The following MYBBP1A variants were observed in gnomAD, a reference collection of about 807,000 sequenced individuals.
MYBBP1A encodes the protein MYB binding protein 1a, also known as myb-binding protein 1A.
In MYBBP1A, 147 loss-of-function variants were observed where a neutral mutation model predicts 136.3. The observed-to-expected ratio is 1.08, with a 90% CI of 0.94 to 1.24. MYBBP1A has a LOEUF of 1.24. MYBBP1A is among the 50% of genes most tolerant of loss of function. MYBBP1A has a pLI of 0.00. For missense variants in MYBBP1A, 2,060 were observed against 1,727.4 expected (o/e 1.19, Z -3.41); for synonymous variants, 947 against 735.8 (o/e 1.29, Z -4.65).
In MYBBP1A at chr17:4,542,529, G is replaced by A. The variant is rs1378679749; in HGVS notation, c.3022C>T (p.Leu1008Phe). Residue 1008 changes from leucine (L) to phenylalanine (F), a missense_variant, in exon 22 of 26, where the codon CTC becomes TTC. Leu to Phe is a conservative substitution (Grantham distance 22). Coordinates refer to ENST00000254718, the MANE Select transcript of MYBBP1A (RefSeq NM_014520.4). ...AGGATGGGGAGCAGGCTCTGACAGAGCACCTGGTGGGGAGTGACAAGGGCT... is the reference window on the plus strand; with the variant it reads ...AGGATGGGGAGCAGGCTCTGACAGAACACCTGGTGGGGAGTGACAAGGGCT... ...FLSLFSRHPV[L>F]CQSLLPILVQ... is the part of the protein sequence containing the mutation. The A allele has an allele frequency of 1.2e-6, 2 of 1,612,476 alleles. No homozygotes were observed. Among genetic ancestry groups the A allele is most frequent in the Non-Finnish European group, 1.7e-6 (2 of 1,178,934 alleles).
chr17:4,540,091 T>C, intron 25 of MYBBP1A, 124 bp from the exon 26 acceptor site: 6 of 1,268,234 alleles, frequency 4.7e-6, no homozygotes, highest in Non-Finnish European at 6.5e-6. Flanking sequence ...GAGGCCCCTA[T>C]GAGGGTCCCG....
Position 4,552,024 on chromosome 17 carries a change from G to A in MYBBP1A, c.906-27C>T. 1.9e-6 allele frequency: 3 copies of A among 1,598,996 alleles called. No individual in the cohort carries two copies. Among genetic ancestry groups the A allele is most frequent in the South Asian group, 1.1e-5 (1 of 89,368 alleles). ...TAAAGGGGGTGCAGGACAGAGCCTG[G>A]TCAGAGCCCTTGGTGCCCCTGGTGG... On this transcript the variant is annotated intron_variant, in intron 7 of 25. Coordinates refer to ENST00000254718, the MANE Select transcript of MYBBP1A (RefSeq NM_014520.4). The surrounding 1 kb of genome is among the most constrained non-coding windows in gnomAD (Gnocchi z 4.7).
intron 10 of MYBBP1A, 95 bp downstream of exon 10, chr17:4,549,233 AGGCT>A (rs1267016641): frequency 1.1e-5 from 11 of 1,021,354 alleles, no homozygotes; most frequent in Non-Finnish European, 1.3e-5. Context: ...CTCAACCCAA[AGGCT>A]TCTGGCTCCA....
chr17:4,555,116 C>G lies in MYBBP1A; in HGVS notation c.198+11G>C, dbSNP rs1295442999. 1 of 1,581,736 alleles carries G rather than the reference C, an allele frequency of 6.3e-7. No homozygotes were observed. Among genetic ancestry groups the G allele is most frequent in the Non-Finnish European group, 8.6e-7 (1 of 1,163,474 alleles). ...TATGCGCAGCCTCTGCCCCAGACCC[C>G]GCCACTCCACCTTCGGCCTGCCACG... is the stretch of plus-strand genomic sequence containing the variant. On this transcript the variant is annotated intron_variant, in intron 1 of 25. Coordinates refer to ENST00000254718, the MANE Select transcript of MYBBP1A (RefSeq NM_014520.4).
chr17:4,548,063 G>T lies in MYBBP1A; in HGVS notation c.1725-6C>A. 1 of 1,584,920 alleles carries T rather than the reference G, an allele frequency of 6.3e-7. No individual in the cohort carries two copies. On this transcript the variant is annotated splice_polypyrimidine_tract_variant and splice_region_variant and intron_variant, in intron 12 of 25. Transcript: ENST00000254718. The surrounding 1 kb of genome is among the most constrained non-coding windows in gnomAD (Gnocchi z 4.2). Reference sequence around the variant, plus strand: ...CCTTCAGAGTCTGCAGCATCCTGCGGGGAGACAGGCGATTCCCAGGCCCCT... The same window carrying T: ...CCTTCAGAGTCTGCAGCATCCTGCGTGGAGACAGGCGATTCCCAGGCCCCT...
chr17:4,548,652 G>A lies in MYBBP1A; in HGVS notation c.1431-3C>T, dbSNP rs1907223763. 5 of 1,614,108 alleles carry A rather than the reference G, an allele frequency of 3.1e-6. No individual in the cohort carries two copies. The highest frequency in any genetic ancestry group is 2.7e-5 in the African/African-American group (2 of 75,064). On this transcript the variant is annotated splice_polypyrimidine_tract_variant and splice_region_variant and intron_variant, in intron 10 of 25. Coordinates refer to ENST00000254718, the MANE Select transcript of MYBBP1A (RefSeq NM_014520.4). This position sits in a 1 kb window ranked among gnomAD's most constrained non-coding sequence, Gnocchi z 4.2. ...AGAACGAGTGGAACAAACAAAACCTGGGGAGGGTGGGAGAGTGGCCATAGC... is the reference window on the plus strand; with the variant it reads ...AGAACGAGTGGAACAAACAAAACCTAGGGAGGGTGGGAGAGTGGCCATAGC...
At chr17:4,541,621 T>C in intron 23 of MYBBP1A, 57 bp from the exon 24 acceptor site, 1 of 1,571,944 alleles carries the variant, frequency 6.4e-7, no homozygotes, top group African/African-American at 1.3e-5. Context: ...GCCTTTCTGT[T>C]TCCCAGCCGG....
chr17:4,552,630 A>G lies in MYBBP1A; in HGVS notation c.562-4T>C. ...CCTGCAATGTGGCCTTCGAGACCTAAGGATGGAGGGAGAAGAAATCGTGAC... is the reference window on the plus strand; with the variant it reads ...CCTGCAATGTGGCCTTCGAGACCTAGGGATGGAGGGAGAAGAAATCGTGAC... On this transcript the variant is annotated splice_region_variant and splice_polypyrimidine_tract_variant and intron_variant, in intron 5 of 25. Transcript: ENST00000254718. This position sits in a 1 kb window ranked among gnomAD's most constrained non-coding sequence, Gnocchi z 4.7. The G allele has an allele frequency of 6.2e-7, 1 of 1,611,714 alleles. No homozygotes were observed. The highest frequency in any genetic ancestry group is 8.5e-7 in the Non-Finnish European group (1 of 1,178,592).
At chr17:4,544,298 G>T (rs1301969973) in intron 19 of MYBBP1A, among the ~76,000 whole-genome samples, 191 bp downstream of exon 19, 2 of 151,134 alleles carry the variant, frequency 1.3e-5, no homozygotes, top group African/African-American at 2.4e-5. Flanking sequence ...AGAACGCGGG[G>T]ATGAAGCAAG....
chr17:4,549,160 C>T (rs946458451), intron 10 of MYBBP1A, among the ~76,000 whole-genome samples, 172 bp downstream of exon 10: 2 of 152,212 alleles, frequency 1.3e-5, no homozygotes, highest in Non-Finnish European at 2.9e-5. Context: ...CCTCCTGGGC[C>T]CCTTCCCTTC....
chr17:4,543,526 CTG>C (rs1164667321), intron 19 of MYBBP1A, among the ~76,000 whole-genome samples: 2 of 152,160 alleles, frequency 1.3e-5, no homozygotes, highest in Admixed American at 6.5e-5. Context: ...TTAGAACCCT[CTG>C]TGGCCCTGCA....
At position 4,548,376 on chromosome 17, in the gene MYBBP1A, C is replaced by G. The variant is rs1907191159; in HGVS notation, c.1557-66G>C. The G allele has an allele frequency of 1.9e-6, 3 of 1,602,620 alleles. No individual in the cohort carries two copies. Among genetic ancestry groups the G allele is most frequent in the Non-Finnish European group, 2.6e-6 (3 of 1,173,844 alleles). On this transcript the variant is annotated intron_variant, in intron 11 of 25. Transcript: ENST00000254718. The surrounding 1 kb of genome is among the most constrained non-coding windows in gnomAD (Gnocchi z 4.2). ...GTCAATGTAGCCGCCTCCCTCCGCC[C>G]TCCCCAGGGCTCGGTCTCCCGCCTC...
chr17:4,553,819 G>A lies in MYBBP1A; in HGVS notation c.552C>T (p.Ile184=), dbSNP rs376862476. ...GCTGGGGAGCTCATACCTCGGAGAG[G>A]ATGTCCACCAGGGCCTTCCGGGGCT... The part of the protein sequence containing the change: ...QEQPRKALVD[I]LSEVSKATLQ... The change falls in exon 5 of 26, where the codon ATC becomes ATT. Residue 184 remains isoleucine (I), a synonymous_variant. Coordinates refer to ENST00000254718, the MANE Select transcript of MYBBP1A (RefSeq NM_014520.4). The A allele has an allele frequency of 5.9e-5, 95 of 1,613,814 alleles. No homozygotes were observed. Among genetic ancestry groups the A allele is most frequent in the South Asian group, 2.3e-4 (21 of 91,088 alleles).
intron 15 of MYBBP1A, 64 bp downstream of exon 15, chr17:4,545,546 C>T (rs929032472): frequency 1.9e-5 from 29 of 1,529,238 alleles, no homozygotes; most frequent in Middle Eastern, 2.4e-4. Context: ...AAGCGGCACC[C>T]CTGGTGCAGC....
chr17:4,541,478 C>A lies in MYBBP1A; in HGVS notation c.3282G>T (p.Arg1094Ser). ...CCCGCCTCACCTCATGTTTGCAGGT[C>A]CTGAAGAGAACGTTGAGCAGCTCCA... The part of the protein sequence containing the change: ...SSLELLNVLF[R>S]TCKHEKLTLD... Residue 1094 changes from arginine to serine, a missense_variant, in exon 24 of 26, where the codon AGG becomes AGT. Physicochemically the swap from Arg to Ser is moderately radical, Grantham distance 110. Coordinates refer to ENST00000254718, the MANE Select transcript of MYBBP1A (RefSeq NM_014520.4). The A allele has an allele frequency of 6.2e-7, 1 of 1,613,424 alleles. No individual in the cohort carries two copies. The highest frequency in any genetic ancestry group is 1.1e-5 in the South Asian group (1 of 91,082).
chr17:4,540,498 G>C lies in MYBBP1A; in HGVS notation c.3298-14C>G, dbSNP rs753650565. On this transcript the variant is annotated splice_polypyrimidine_tract_variant and intron_variant, in intron 24 of 25. Coordinates refer to ENST00000254718, the MANE Select transcript of MYBBP1A (RefSeq NM_014520.4). Reference sequence around the variant, plus strand: ...CAAGGTCAGCTTCTGCAGAGGGTGGGAAGGCAGAGCTGTGGGGCCACAGAG... The same window carrying C: ...CAAGGTCAGCTTCTGCAGAGGGTGGCAAGGCAGAGCTGTGGGGCCACAGAG... 6.2e-7 allele frequency: 1 copy of C among 1,601,330 alleles called. No homozygotes were observed. Among genetic ancestry groups the C allele is most frequent in the Non-Finnish European group, 8.5e-7 (1 of 1,175,566 alleles).
Position 4,552,101 on chromosome 17 carries a change from A to C in MYBBP1A, c.905+24T>G, listed in dbSNP as rs1172565251. Reference sequence around the variant, plus strand: ...ACTTCACGGACAGGGAAGGGGGCCGAGAGAGGACACGCGTCGCCCGCACCT... The same window carrying C: ...ACTTCACGGACAGGGAAGGGGGCCGCGAGAGGACACGCGTCGCCCGCACCT... On this transcript the variant is annotated intron_variant, in intron 7 of 25. Coordinates refer to ENST00000254718, the MANE Select transcript of MYBBP1A (RefSeq NM_014520.4). This position sits in a 1 kb window ranked among gnomAD's most constrained non-coding sequence, Gnocchi z 4.7. 1 of 1,608,466 alleles carries C rather than the reference A, an allele frequency of 6.2e-7. No individual in the cohort carries two copies. Among genetic ancestry groups the C allele is most frequent in the African/African-American group, 1.3e-5 (1 of 74,992 alleles).
Position 4,542,601 on chromosome 17 carries a change from G to A in MYBBP1A, c.3018+15C>T. 2 of 1,613,748 alleles carry A rather than the reference G, an allele frequency of 1.2e-6. No individual in the cohort carries two copies. The highest frequency in any genetic ancestry group is 1.7e-6 in the Non-Finnish European group (2 of 1,179,836). ...GCAGGGACCATGAGGAAGCAGGGCA[G>A]GCCCCAACACTCACCGGGTGCCGGG... On this transcript the variant is annotated intron_variant, in intron 21 of 25. Transcript: ENST00000254718.
intron 9 of MYBBP1A, 27 bp downstream of exon 9, chr17:4,550,031 A>G (rs1354992583): frequency 6.3e-7 from 1 of 1,583,018 alleles, no homozygotes; most frequent in African/African-American, 1.4e-5. Context: ...CTCCTAAATT[A>G]GGTGTCCTCC....
Sources: allele counts gnomAD v4.1 joint callset (sites outside exome capture counted in the v4.1 genomes callset), GRCh38; gene constraint gnomAD v4.1.1; non-coding constraint Gnocchi (gnomAD v3.1); transcripts MANE v1.5; gene names NCBI Gene and HGNC (gene_info 2026-07-23, HGNC 2026-07-21).